Variants in ANOS1 observed in about 807,000 individuals in gnomAD.
ANOS1 encodes the protein anosmin-1.
A neutral mutation model predicts 59.0 loss-of-function variants in ANOS1; 6 were observed. That is an observed-to-expected ratio of 0.10 (90% CI 0.06 to 0.20). The LOEUF is 0.20. Among genes scored for constraint, ANOS1 ranks in the 10% least tolerant of loss-of-function variants. The pLI, the probability that ANOS1 is intolerant of heterozygous loss-of-function variation, is 1.00. For missense variants in ANOS1, 433 were observed against 542.3 expected, an observed-to-expected ratio of 0.80 and a Z score of 2.00; for synonymous variants, 217 against 223.4, an observed-to-expected ratio of 0.97 and a Z score of 0.25.
At chrX:8,685,040 C>A (rs763272388) in intron 2 of ANOS1, among the ~76,000 whole-genome samples, 1 of 110,830 alleles carries the variant, frequency 9.0e-6, no homozygotes, top group Non-Finnish European at 1.9e-5. Context: ...CTGGCCCCTG[C>A]GGCTCTCACA....
At chrX:8,544,759 T>C (rs1288983005) in intron 9 of ANOS1, among the ~76,000 whole-genome samples, 1 of 110,140 alleles carries the variant, frequency 9.1e-6, no homozygotes, top group African/African-American at 3.3e-5. Flanking sequence ...CTACAAAAAA[T>C]ATATTTTTTA....
At chrX:8,704,127 C>T (rs1216091196) in intron 1 of ANOS1, among the ~76,000 whole-genome samples, 2 of 111,818 alleles carry the variant, frequency 1.8e-5, no homozygotes, top group Admixed American at 9.5e-5. Flanking sequence ...CCATTTAAGA[C>T]ATGGCTTTGC....
chrX:8,668,555 C>CAT (rs1309235703), intron 2 of ANOS1, among the ~76,000 whole-genome samples: 9 of 92,558 alleles, frequency 9.7e-5, no homozygotes, highest in Non-Finnish European at 1.9e-4. Context: ...GATGGAATAC[C>CAT]ATATATATAT....
intron 8 of ANOS1, among the ~76,000 whole-genome samples, chrX:8,555,329 C>A (rs1211178946): frequency 1.5e-4 from 17 of 110,402 alleles, no homozygotes; most frequent in Non-Finnish European, 7.6e-5. Context: ...ACTGGAGAAG[C>A]AAGAGCAAAC....
At chrX:8,687,541 A>C (rs1424747734) in intron 2 of ANOS1, among the ~76,000 whole-genome samples, 1 of 109,470 alleles carries the variant, frequency 9.1e-6, no homozygotes, top group Non-Finnish European at 1.9e-5. Context: ...CCTCCTCAGA[A>C]AACGTGATTT....
intron 3 of ANOS1, among the ~76,000 whole-genome samples, chrX:8,601,193 CA>C (rs34363483): frequency 0.21 from 13,026 of 61,804 alleles, 802 homozygotes; most frequent in East Asian, 0.39. Context: ...GACTTTGTCT[CA>C]AAAAAAAAAA....
chrX:8,548,374 A>C (rs919826455), intron 9 of ANOS1, among the ~76,000 whole-genome samples: 22 of 112,398 alleles, frequency 2.0e-4, no homozygotes, highest in African/African-American at 7.1e-4. Flanking sequence ...TTTAGATTCC[A>C]AACTGTTTGG....
At chrX:8,560,742 A>G (rs1027691941) in intron 8 of ANOS1, among the ~76,000 whole-genome samples, 3 of 112,469 alleles carry the variant, frequency 2.7e-5, no homozygotes, top group Non-Finnish European at 5.6e-5. Context: ...CCCATGCCAA[A>G]CTTCTGTTTC....
At chrX:8,611,338 C>T (rs997970148) in intron 3 of ANOS1, among the ~76,000 whole-genome samples, 2 of 108,017 alleles carry the variant, frequency 1.9e-5, no homozygotes, top group Non-Finnish European at 3.8e-5. Context: ...AGATCATAGA[C>T]TCATTGACCC....
chrX:8,610,033 A>AAAAAAAAAAAAAAC (rs1287806402), intron 3 of ANOS1, among the ~76,000 whole-genome samples: 1 of 82,705 alleles, frequency 1.2e-5, no homozygotes, highest in African/African-American at 4.9e-5. Context: ...AAAAAAAAAA[A>AAAAAAAAAAAAAAC]AACAACAACC....
intron 8 of ANOS1, among the ~76,000 whole-genome samples, chrX:8,564,326 T>C (rs983318060): frequency 8.1e-5 from 9 of 110,591 alleles, no homozygotes; most frequent in African/African-American, 3.0e-4. Context: ...GATTGAAAAA[T>C]AGATTGCAGA....
chrX:8,729,070 A>G (rs762470001), intron 1 of ANOS1, among the ~76,000 whole-genome samples: 1 of 112,345 alleles, frequency 8.9e-6, no homozygotes, highest in Non-Finnish European at 1.9e-5. Context: ...TCACTGCCCC[A>G]GGGAATCTGT....
At chrX:8,594,751 CATATAT>C (rs1194283321) in intron 4 of ANOS1, among the ~76,000 whole-genome samples, 3 of 41,622 alleles carry the variant, frequency 7.2e-5, no homozygotes, top group African/African-American at 2.2e-4. Flanking sequence ...TATATATATA[CATATAT>C]ATATATATAT....
chrX:8,719,952 G>A (rs758134680), intron 1 of ANOS1, among the ~76,000 whole-genome samples: 4 of 111,786 alleles, frequency 3.6e-5, no homozygotes, highest in African/African-American at 1.3e-4. Flanking sequence ...ACTCCCCTGA[G>A]GAGAGGTTTT....
intron 2 of ANOS1, among the ~76,000 whole-genome samples, chrX:8,684,813 G>T (rs1265234508): frequency 1.8e-5 from 2 of 110,775 alleles, no homozygotes; most frequent in Admixed American, 9.6e-5. Context: ...TCAGCTGTGA[G>T]AACTCGGAGA....
At chrX:8,535,870 G>T (rs1929582433) in intron 11 of ANOS1, 59 bp from the exon 12 acceptor site, 1 of 980,389 alleles carries the variant, frequency 1.0e-6, no homozygotes, top group South Asian at 1.9e-5. Flanking sequence ...GTGCCCAAGG[G>T]ATCCATTGTA....
intron 1 of ANOS1, among the ~76,000 whole-genome samples, chrX:8,712,874 G>A (rs903268053): frequency 4.5e-5 from 5 of 112,126 alleles, no homozygotes; most frequent in African/African-American, 1.6e-4. Context: ...TTCTCCCCAG[G>A]TGTAACCAAT....
intron 1 of ANOS1, among the ~76,000 whole-genome samples, chrX:8,719,395 C>T (rs968997342): frequency 6.2e-5 from 7 of 112,050 alleles, no homozygotes; most frequent in Non-Finnish European, 1.1e-4. Flanking sequence ...ATGAACCCTT[C>T]AAAGAACTCA....
At chrX:8,553,309 CAG>C (rs1929887160) in intron 9 of ANOS1, among the ~76,000 whole-genome samples, 1 of 103,619 alleles carries the variant, frequency 9.7e-6, no homozygotes, top group African/African-American at 4.2e-5. Context: ...AATTAGAAAA[CAG>C]AAATTCTAAA....
Sources: gnomAD v4.1 joint callset for allele counts (sites outside exome capture counted in the v4.1 genomes callset) on GRCh38, gnomAD v4.1.1 for gene constraint, MANE v1.5 for transcripts, NCBI Gene and HGNC (gene_info 2026-07-23, HGNC 2026-07-21) for gene names.